PDSS2: variants seen among roughly 807,000 people sequenced by gnomAD.
PDSS2 encodes all trans-polyprenyl-diphosphate synthase PDSS2.
Under a neutral mutation model 44.5 loss-of-function variants are expected in PDSS2, and 31 were observed. That is an observed-to-expected ratio of 0.70 (90% CI 0.52 to 0.94). The LOEUF (loss-of-function observed/expected upper bound fraction) is 0.94. PDSS2 is among the 40% of genes least tolerant of loss of function. The pLI is 0.00. For missense variants in PDSS2, 452 were observed against 482.2 expected, an observed-to-expected ratio of 0.94 and a Z score of 0.59; for synonymous variants, 157 against 180.3, an observed-to-expected ratio of 0.87 and a Z score of 1.03.
intron 1 of PDSS2, among the ~76,000 whole-genome samples, chr6:107,448,087 AG>A (rs1284873706): frequency 6.6e-6 from 1 of 152,094 alleles, no homozygotes; most frequent in African/African-American, 2.4e-5. Flanking sequence ...TGCATACAGC[AG>A]GGGGGGCTGG....
Position 107,285,910 on chromosome 6 carries a change from C to T in PDSS2, c.432-11683G>A, listed in dbSNP as rs1201136356. 4.6e-5 allele frequency among the ~76,000 whole-genome samples: 7 copies of T among 151,624 alleles called. No individual in the cohort carries two copies. In the East Asian group the frequency reaches 5.8e-4, roughly 13 times the overall value. On this transcript the variant is annotated intron_variant, in intron 2 of 7. Coordinates refer to ENST00000369037, the MANE Select transcript of PDSS2 (RefSeq NM_020381.4). ...ATCCCAGTACTTTGGGAGGCCAAGG[C>T]GAGTGGATCACCTGAGGTCAGGAAT...
chr6:107,252,501 G>A (rs1774854625), intron 3 of PDSS2, among the ~76,000 whole-genome samples: 1 of 152,334 alleles, frequency 6.6e-6, no homozygotes, highest in East Asian at 1.9e-4. Flanking sequence ...CAGGACAGGT[G>A]CAGCAAAAAC....
At chr6:107,398,336 C>G (rs1780010020) in intron 1 of PDSS2, among the ~76,000 whole-genome samples, 1 of 152,118 alleles carries the variant, frequency 6.6e-6, no homozygotes, top group African/African-American at 2.4e-5. Context: ...TTAGTAATAT[C>G]TTTTTGTTTT....
At chr6:107,264,727 A>G (rs1397654165) in intron 3 of PDSS2, among the ~76,000 whole-genome samples, 1 of 152,220 alleles carries the variant, frequency 6.6e-6, no homozygotes, top group Non-Finnish European at 1.5e-5. Flanking sequence ...TTTCGAAATT[A>G]TAGTACTTCT....
chr6:107,279,396 A>G (rs1214953680), intron 2 of PDSS2, among the ~76,000 whole-genome samples: 1 of 152,204 alleles, frequency 6.6e-6, no homozygotes, highest in Non-Finnish European at 1.5e-5. Context: ...GGAAAAAAGT[A>G]TATTAAGAAC....
chr6:107,404,442 A>G (rs139169704), intron 1 of PDSS2, among the ~76,000 whole-genome samples: 4 of 152,300 alleles, frequency 2.6e-5, no homozygotes, highest in African/African-American at 9.6e-5. Flanking sequence ...AATTCACTGT[A>G]TTAGTCCGTT....
chr6:107,188,912 C>T (rs924412276), intron 7 of PDSS2, among the ~76,000 whole-genome samples: 3 of 152,106 alleles, frequency 2.0e-5, no homozygotes, highest in Non-Finnish European at 4.4e-5. Flanking sequence ...TTTTCTTTTT[C>T]ATTTTTTTTG....
intron 2 of PDSS2, among the ~76,000 whole-genome samples, chr6:107,281,742 A>G (rs1257900341): frequency 6.6e-6 from 1 of 152,122 alleles, no homozygotes; most frequent in Non-Finnish European, 1.5e-5. Context: ...AAGCCTTTGA[A>G]TATGGCTCAG....
At chr6:107,225,170 T>C (rs1226313493) in intron 4 of PDSS2, among the ~76,000 whole-genome samples, 1 of 55,348 alleles carries the variant, frequency 1.8e-5, no homozygotes, top group Non-Finnish European at 3.2e-5. Context: ...TATTTTTTTT[T>C]TTTTTTTTTT....
In PDSS2 at chr6:107,154,409, C is replaced by A. The variant is rs1255335608; in HGVS notation, c.*210G>T. On this transcript the variant is annotated 3_prime_UTR_variant, in exon 8 of 8. Coordinates refer to ENST00000369037, the MANE Select transcript of PDSS2 (RefSeq NM_020381.4). ...ACTGCAGCCTCAAGTGTGCTTCTGG[C>A]GTGACAAGTGAAAACTGCTTGACCT... 1 of 534,706 alleles carries A rather than the reference C, an allele frequency of 1.9e-6. No homozygotes were observed. The highest frequency in any genetic ancestry group is 3.4e-5 in the East Asian group (1 of 29,304). 33.1% of individuals were successfully genotyped at this position (534,706 alleles called of 1,614,324 possible).
chr6:107,263,941 A>T (rs780784664), intron 3 of PDSS2, among the ~76,000 whole-genome samples: 1 of 152,182 alleles, frequency 6.6e-6, no homozygotes, highest in East Asian at 1.9e-4. Flanking sequence ...TACCCTAGTC[A>T]TGCAAATCTA....
At chr6:107,189,841 G>A (rs1772307872) in intron 7 of PDSS2, among the ~76,000 whole-genome samples, 3 of 151,940 alleles carry the variant, frequency 2.0e-5, no homozygotes, top group Non-Finnish European at 2.9e-5. Context: ...GGCATTCTTT[G>A]AGTCATAAAA....
rs554233635 is a variant in PDSS2, at chr6:107,442,739, CT to C, written c.296+16250del. Among the ~76,000 whole-genome samples, 1,511 of 152,318 alleles carry C rather than the reference CT, an allele frequency of 9.9e-3. 16 individuals carry two copies. The highest frequency in any genetic ancestry group is 0.016 in the Non-Finnish European group (1,063 of 68,020). ...AACATACTCAATTGCTCAGCTTATTCTTCTTCTGTTCTTTCACTCTCACAAT... is the reference window on the plus strand; with the variant it reads ...AACATACTCAATTGCTCAGCTTATTCTCTTCTGTTCTTTCACTCTCACAAT... On this transcript the variant is annotated intron_variant, in intron 1 of 7. Coordinates refer to ENST00000369037, the MANE Select transcript of PDSS2 (RefSeq NM_020381.4).
intron 1 of PDSS2, among the ~76,000 whole-genome samples, chr6:107,426,348 G>A (rs141177790): frequency 6.8e-4 from 103 of 152,336 alleles, no homozygotes; most frequent in Non-Finnish European, 1.2e-3. Context: ...GTTTGGGAAC[G>A]TCTGCCTAGA....
intron 7 of PDSS2, among the ~76,000 whole-genome samples, chr6:107,185,808 AG>A (rs1358965441): frequency 6.6e-6 from 1 of 152,224 alleles, no homozygotes; most frequent in Non-Finnish European, 1.5e-5. Context: ...ACTGAGCTGA[AG>A]CGGCTCTGCC....
chr6:107,258,516 G>C (rs1775101992), intron 3 of PDSS2, among the ~76,000 whole-genome samples: 2 of 151,000 alleles, frequency 1.3e-5, no homozygotes, highest in Admixed American at 1.3e-4. Flanking sequence ...AATTTAAAAT[G>C]TTTCACCGGG....
chr6:107,169,766 A>G (rs752905991), intron 7 of PDSS2, among the ~76,000 whole-genome samples: 47 of 152,172 alleles, frequency 3.1e-4, no homozygotes, highest in Non-Finnish European at 6.2e-4. Flanking sequence ...TTGCCTGGGT[A>G]TCAGCAGCAG....
At chr6:107,297,870 C>G (rs752800276) in intron 2 of PDSS2, among the ~76,000 whole-genome samples, 77 of 152,098 alleles carry the variant, frequency 5.1e-4, no homozygotes, top group South Asian at 4.2e-4. Flanking sequence ...CTCGGACACC[C>G]GAGTAGCTGG....
At chr6:107,377,845 A>G (rs1198578731) in intron 1 of PDSS2, among the ~76,000 whole-genome samples, 1 of 151,884 alleles carries the variant, frequency 6.6e-6, no homozygotes, top group African/African-American at 2.4e-5. Context: ...ATGAGAACAC[A>G]TGGACACAGG....
Sources: allele counts gnomAD v4.1 joint callset (sites outside exome capture counted in the v4.1 genomes callset), GRCh38; gene constraint gnomAD v4.1.1; transcripts MANE v1.5; gene names NCBI Gene and HGNC (gene_info 2026-07-23, HGNC 2026-07-21).